The following ATP6V1H variants were observed in gnomAD, a reference collection of about 807,000 sequenced individuals.
ATP6V1H encodes the protein V-type proton ATPase subunit H.
In ATP6V1H, 39 loss-of-function variants were observed where a neutral mutation model predicts 71.7. The ratio of observed to expected loss-of-function variants is 0.54; its 90% CI spans 0.42 to 0.71. The LOEUF (loss-of-function observed/expected upper bound fraction) is 0.71, where lower values mean the gene tolerates loss of function less well. ATP6V1H is among the 30% of genes least tolerant of loss of function. The pLI is 0.00. For missense variants in ATP6V1H, 509 were observed against 594.9 expected (o/e 0.86, Z 1.50); for synonymous variants, 192 against 199.3 (o/e 0.96, Z 0.31).
chr8:53,759,549 G>A (rs1267583752), intron 11 of ATP6V1H, among the ~76,000 whole-genome samples: 1 of 152,174 alleles, frequency 6.6e-6, no homozygotes, highest in Non-Finnish European at 1.5e-5. Flanking sequence ...TCTGTAGTTA[G>A]ACCAAATGTG....
At chr8:53,735,229 G>A (rs548822519) in intron 13 of ATP6V1H, among the ~76,000 whole-genome samples, 1 of 152,222 alleles carries the variant, frequency 6.6e-6, no homozygotes, top group South Asian at 2.1e-4. Context: ...CTCTGGGTGG[G>A]TGGAGGCTTA....
At chr8:53,735,788 A>T (rs1702185768) in intron 13 of ATP6V1H, among the ~76,000 whole-genome samples, 1 of 152,108 alleles carries the variant, frequency 6.6e-6, no homozygotes, top group African/African-American at 2.4e-5. Flanking sequence ...GTAAAATCTA[A>T]TTTCTCTAGG....
In ATP6V1H at chr8:53,745,226, C is replaced by A. The variant is rs189144985; in HGVS notation, c.1278-1536G>T. ...CCTGGACAACACAATGAGATACTGT[C>A]CCCACAAAAAAATTAAAATAAAAAA... is the stretch of plus-strand genomic sequence containing the variant. On this transcript the variant is annotated intron_variant, in intron 12 of 13. Transcript: ENST00000359530. Among the ~76,000 whole-genome samples the A allele has an allele frequency of 1.8e-4, 28 of 152,038 alleles. No individual in the cohort carries two copies. The East Asian group carries it at 5.4e-3, about 29-fold the overall frequency.
intron 7 of ATP6V1H, 51 bp downstream of exon 7, chr8:53,811,113 T>C: frequency 1.3e-6 from 2 of 1,539,508 alleles, no homozygotes; most frequent in Non-Finnish European, 1.8e-6. Flanking sequence ...TGTATATGAC[T>C]CAAAATAATT....
intron 13 of ATP6V1H, among the ~76,000 whole-genome samples, chr8:53,725,491 G>A (rs1230543809): frequency 6.7e-6 from 1 of 150,214 alleles, no homozygotes; most frequent in African/African-American, 2.5e-5. Flanking sequence ...TTTGTCTGTG[G>A]TTTGTCTAAG....
At chr8:53,748,273 C>T (rs1807677377) in intron 12 of ATP6V1H, among the ~76,000 whole-genome samples, 1 of 152,058 alleles carries the variant, frequency 6.6e-6, no homozygotes, top group South Asian at 2.1e-4. Flanking sequence ...AAAATATAAA[C>T]TAAAAGCACC....
At chr8:53,772,757 AAT>A (rs1397919232) in intron 9 of ATP6V1H, among the ~76,000 whole-genome samples, 1 of 152,156 alleles carries the variant, frequency 6.6e-6, no homozygotes, top group Non-Finnish European at 1.5e-5. Flanking sequence ...ATAATCCACA[AAT>A]TTATAACAAT....
At chr8:53,750,583 G>A (rs566803341) in intron 12 of ATP6V1H, among the ~76,000 whole-genome samples, 1 of 152,186 alleles carries the variant, frequency 6.6e-6, no homozygotes, top group South Asian at 2.1e-4. Context: ...TGTATCAGTG[G>A]ACCAGCAAAA....
chr8:53,807,871 C>A (rs543276549), intron 7 of ATP6V1H, among the ~76,000 whole-genome samples: 1 of 152,166 alleles, frequency 6.6e-6, no homozygotes, highest in Non-Finnish European at 1.5e-5. Flanking sequence ...TCACTCACAC[C>A]GGCAACACTT....
chr8:53,834,740 C>T (rs900104034), intron 2 of ATP6V1H, among the ~76,000 whole-genome samples: 3 of 150,438 alleles, frequency 2.0e-5, no homozygotes, highest in Non-Finnish European at 4.4e-5. Context: ...TAGTTTTTAA[C>T]TCAGTAGTTT....
intron 6 of ATP6V1H, among the ~76,000 whole-genome samples, chr8:53,812,900 G>C (rs961380928): frequency 2.6e-5 from 4 of 152,084 alleles, no homozygotes; most frequent in Non-Finnish European, 5.9e-5. Flanking sequence ...TTGCTATGTT[G>C]CCCAGGCTGG....
At position 53,776,690 on chromosome 8, in the gene ATP6V1H, G is replaced by T. The variant is rs1164734547; in HGVS notation, c.871-4523C>A. 7.9e-5 allele frequency among the ~76,000 whole-genome samples: 12 copies of T among 152,194 alleles called. No homozygotes were observed. The East Asian group carries it at 2.3e-3, about 29-fold the overall frequency. Reference sequence around the variant, plus strand: ...AATTAATAAGCCTATGAAGAAACAGGAAAATGTGACCAACACTCAAGAGAA... The same window carrying T: ...AATTAATAAGCCTATGAAGAAACAGTAAAATGTGACCAACACTCAAGAGAA... On this transcript the variant is annotated intron_variant, in intron 9 of 13. Transcript: ENST00000359530.
intron 13 of ATP6V1H, 120 bp from the exon 14 acceptor site, chr8:53,716,144 A>T (rs1806416833): frequency 1.4e-6 from 1 of 732,466 alleles, no homozygotes; most frequent in Non-Finnish European, 2.2e-6. Flanking sequence ...AATAACTAAA[A>T]AGTCCTAGAA....
chr8:53,840,065 A>G (rs1811291703), intron 2 of ATP6V1H: 1 of 302,234 alleles, frequency 3.3e-6, no homozygotes, highest in Admixed American at 6.5e-5. Flanking sequence ...CCTACTTGCC[A>G]CATGGCTAAA....
intron 13 of ATP6V1H, among the ~76,000 whole-genome samples, chr8:53,742,951 G>C (rs1360373526): frequency 1.3e-5 from 2 of 152,220 alleles, no homozygotes; most frequent in African/African-American, 2.4e-5. Flanking sequence ...GCTAAAAGCA[G>C]CTATGTCAAG....
At chr8:53,830,314 T>C (rs923307936) in intron 3 of ATP6V1H, among the ~76,000 whole-genome samples, 6 of 152,216 alleles carry the variant, frequency 3.9e-5, no homozygotes, top group Admixed American at 6.6e-5. Flanking sequence ...TCACTTGGTA[T>C]TCACTCATTC....
intron 9 of ATP6V1H, among the ~76,000 whole-genome samples, chr8:53,778,245 C>T (rs2130349420): frequency 6.6e-6 from 1 of 152,266 alleles, no homozygotes; most frequent in East Asian, 1.9e-4. Flanking sequence ...GTACATGTGA[C>T]ATTTTGATAC....
At chr8:53,741,241 T>C (rs1585734774) in intron 13 of ATP6V1H, among the ~76,000 whole-genome samples, 1 of 152,128 alleles carries the variant, frequency 6.6e-6, no homozygotes, top group African/African-American at 2.4e-5. Flanking sequence ...CAATACATGA[T>C]CATCTGAACA....
intron 13 of ATP6V1H, among the ~76,000 whole-genome samples, chr8:53,728,832 T>C (rs2130116787): frequency 6.6e-6 from 1 of 152,244 alleles, no homozygotes; most frequent in Middle Eastern, 3.4e-3. Context: ...CACTCATCTT[T>C]CCCCAACGGA....
Sources: gnomAD v4.1 joint callset for allele counts (sites outside exome capture counted in the v4.1 genomes callset) on GRCh38, gnomAD v4.1.1 for gene constraint, MANE v1.5 for transcripts, NCBI Gene and HGNC (gene_info 2026-07-23, HGNC 2026-07-21) for gene names.